The following HIPK3 variants were observed in gnomAD, a reference collection of about 807,000 sequenced individuals.
HIPK3 encodes homeodomain interacting protein kinase 3.
HIPK3 carries 47 observed loss-of-function variants against 124.2 expected under a neutral mutation model. The ratio of observed to expected loss-of-function variants is 0.38; its 90% CI spans 0.30 to 0.48. The LOEUF is 0.48. Ranked by LOEUF, HIPK3 falls within the 20% of genes least tolerant of loss-of-function variation. The pLI, the probability that HIPK3 is intolerant of heterozygous loss-of-function variation, is 0.98. For missense variants in HIPK3, 1,286 were observed against 1,454.3 expected (o/e 0.88, Z 1.88); for synonymous variants, 482 against 515.2 (o/e 0.94, Z 0.87).
chr11:33,322,880 CCAT>C (rs1852706222), intron 2 of HIPK3, among the ~76,000 whole-genome samples: 1 of 152,066 alleles, frequency 6.6e-6, no homozygotes, highest in African/African-American at 2.4e-5. Context: ...AATATATGTT[CCAT>C]CAAAGGCATT....
chr11:33,301,244 A>G (rs1013068538), intron 2 of HIPK3, among the ~76,000 whole-genome samples: 17 of 152,324 alleles, frequency 1.1e-4, no homozygotes, highest in African/African-American at 3.4e-4. Context: ...TAACCAGAGT[A>G]CAACATGTAT....
At chr11:33,268,792 CT>C (rs994474755) in intron 1 of HIPK3, among the ~76,000 whole-genome samples, 8 of 151,938 alleles carry the variant, frequency 5.3e-5, no homozygotes, top group African/African-American at 1.7e-4. Flanking sequence ...CTTAAAGTAT[CT>C]CAAAATCTGA....
At chr11:33,270,758 C>G (rs1851103665) in intron 1 of HIPK3, among the ~76,000 whole-genome samples, 1 of 151,792 alleles carries the variant, frequency 6.6e-6, no homozygotes, top group African/African-American at 2.4e-5. Flanking sequence ...GAGTGCAAGA[C>G]CAGCCTGGGC....
intron 1 of HIPK3, among the ~76,000 whole-genome samples, chr11:33,261,594 A>AT (rs1850829915): frequency 6.6e-6 from 1 of 152,138 alleles, no homozygotes; most frequent in African/African-American, 2.4e-5. Context: ...TATGTAGCAT[A>AT]TTTTTAAAAA....
intron 1 of HIPK3, among the ~76,000 whole-genome samples, chr11:33,270,917 C>A (rs765087294): frequency 6.6e-6 from 1 of 152,174 alleles, no homozygotes; most frequent in East Asian, 1.9e-4. Flanking sequence ...GAATTAGGTT[C>A]TTTTCCCTGA....
chr11:33,292,150 G>A (rs936382131), intron 2 of HIPK3, among the ~76,000 whole-genome samples: 3 of 152,046 alleles, frequency 2.0e-5, no homozygotes, highest in Non-Finnish European at 4.4e-5. Context: ...ATATTTTCTA[G>A]TTTGTTTCTC....
chr11:33,353,023 CCTTT>C (rs1182344368), intron 16 of HIPK3, 65 bp from the exon 17 acceptor site: 16 of 942,766 alleles, frequency 1.7e-5, no homozygotes, highest in Admixed American at 7.1e-5. Context: ...TTGTAATTTC[CCTTT>C]CTTTCTTTCC....
At chr11:33,303,927 T>TTA (rs1565074699) in intron 2 of HIPK3, among the ~76,000 whole-genome samples, 2 of 152,082 alleles carry the variant, frequency 1.3e-5, no homozygotes, top group South Asian at 2.1e-4. Context: ...AAAAATTATT[T>TTA]GATATATATG....
At chr11:33,300,814 A>G (rs1851977475) in intron 2 of HIPK3, among the ~76,000 whole-genome samples, 1 of 152,080 alleles carries the variant, frequency 6.6e-6, no homozygotes, top group Non-Finnish European at 1.5e-5. Flanking sequence ...GGCTTACTGC[A>G]ACCTCCACCC....
chr11:33,262,983 A>C (rs1850865677), intron 1 of HIPK3, among the ~76,000 whole-genome samples: 1 of 152,034 alleles, frequency 6.6e-6, no homozygotes, highest in South Asian at 2.1e-4. Flanking sequence ...CATGTCTGCT[A>C]ACTTTTTCAT....
rs138015284 is a variant in HIPK3, at chr11:33,341,239, G to T, written c.1773+112G>T. 1,315 of 692,246 alleles carry T rather than the reference G, an allele frequency of 1.9e-3. 5 individuals carry two copies. Among genetic ancestry groups the T allele is most frequent in the Middle Eastern group, 4.3e-3 (11 of 2,570 alleles). 42.9% of individuals were successfully genotyped at this position (692,246 alleles called of 1,614,324 possible). On this transcript the variant is annotated intron_variant, in intron 7 of 16. Coordinates refer to ENST00000303296, the MANE Select transcript of HIPK3 (RefSeq NM_005734.5). ...GTTGTTAGAATGTACAGTGCTGTGA[G>T]GTCTTACTATACCTGTTTTTACCAA...
intron 1 of HIPK3, among the ~76,000 whole-genome samples, chr11:33,266,345 A>G (rs1299401511): frequency 6.6e-6 from 1 of 152,082 alleles, no homozygotes; most frequent in Admixed American, 6.5e-5. Context: ...AATGATATTA[A>G]AATAGTAGCA....
chr11:33,293,896 G>A (rs938387221), intron 2 of HIPK3, among the ~76,000 whole-genome samples: 1 of 152,142 alleles, frequency 6.6e-6, no homozygotes, highest in African/African-American at 2.4e-5. Flanking sequence ...GCTGAGTGCC[G>A]TGGCTCACAC....
rs781029181 is a variant in HIPK3, at chr11:33,287,138, G to A, written c.724G>A (p.Val242Met). ...TTATGCCCGTCAAGGTCAAATAGAA[G>A]TGAGCATATTAGCAAGGCTCAGTAC... ...PSYARQGQIE[V>M]SILARLSTEN... Residue 242 changes from valine to methionine, a missense_variant, in exon 2 of 17, where the codon GTG becomes ATG. Val to Met is a conservative substitution (Grantham distance 21). Transcript: ENST00000303296. 5.0e-6 allele frequency: 8 copies of A among 1,614,180 alleles called. No individual in the cohort carries two copies. Among genetic ancestry groups the A allele is most frequent in the Non-Finnish European group, 6.8e-6 (8 of 1,180,026 alleles).
Position 33,286,792 on chromosome 11 carries a change from A to T in HIPK3, c.378A>T (p.Gly126=). ...LHFLEGPQRC[G]LKRKSEELDN... ...TCCTAGAAGGCCCCCAGCGATGTGG[A>T]TTGAAGCGCAAGAGTGAGGAGTTGG... The change falls in exon 2 of 17, where the codon GGA becomes GGT. Residue 126 remains glycine (G), a synonymous_variant. Transcript: ENST00000303296. 6.2e-7 allele frequency: 1 copy of T among 1,614,126 alleles called. No homozygotes were observed. Among genetic ancestry groups the T allele is most frequent in the Non-Finnish European group, 8.5e-7 (1 of 1,180,032 alleles).
rs773029433 is a variant in HIPK3 at position 33,349,200 on chromosome 11, G to A, written c.2720G>A (p.Arg907Gln). ...TGCCAGAGCACTTTGAATATTGATC[G>A]GATGTGTTCATTAAGTAGTCCTGAT... ...EACQSTLNID[R>Q]MCSLSSPDST... The change falls in exon 14 of 17, where the codon CGG becomes CAG. Residue 907 changes from arginine (R) to glutamine (Q), a missense_variant. This residue lies in a region of HIPK3 where 810 missense variants were observed against 864.9 expected (regional missense o/e 0.94). Transcript: ENST00000303296. 1.7e-5 allele frequency: 27 copies of A among 1,613,328 alleles called. No homozygotes were observed. The highest frequency in any genetic ancestry group is 1.7e-4 in the Admixed American group (10 of 59,986).
chr11:33,323,325 C>T (rs1852718468), intron 2 of HIPK3, among the ~76,000 whole-genome samples: 1 of 152,164 alleles, frequency 6.6e-6, no homozygotes, highest in Non-Finnish European at 1.5e-5. Flanking sequence ...CTCACTGCAA[C>T]CTTTGCCTCC....
At chr11:33,258,230 C>G in intron 1 of HIPK3, 8 of 391,452 alleles carry the variant, frequency 2.0e-5, no homozygotes, top group Non-Finnish European at 2.8e-5. Context: ...GCCAAGGTTG[C>G]GCAACGGCTC....
At chr11:33,259,003 A>C (rs1471900590) in intron 1 of HIPK3, among the ~76,000 whole-genome samples, 2 of 152,278 alleles carry the variant, frequency 1.3e-5, no homozygotes, top group South Asian at 2.1e-4. Flanking sequence ...TGTCTGGTAC[A>C]GGGCCGGAAA....
Sources: gnomAD v4.1 joint callset for allele counts (sites outside exome capture counted in the v4.1 genomes callset) on GRCh38, gnomAD v4.1.1 for gene constraint, gnomAD v4.1.1 regional missense constraint, MANE v1.5 for transcripts, NCBI Gene and HGNC (gene_info 2026-07-23, HGNC 2026-07-21) for gene names.